STK35: variants seen among roughly 807,000 people sequenced by gnomAD.
STK35 encodes the protein serine/threonine-protein kinase 35.
In STK35, 17 loss-of-function variants were observed where a neutral mutation model predicts 37.3. The ratio of observed to expected loss-of-function variants is 0.46; its 90% CI spans 0.31 to 0.68. The LOEUF is 0.68. Ranked by LOEUF, STK35 falls within the 30% of genes least tolerant of loss-of-function variation. The pLI is 0.05. For synonymous variants in STK35, 385 were observed against 319.1 expected, an observed-to-expected ratio of 1.21 and a Z score of -2.20; for missense variants, 595 against 746.7, an observed-to-expected ratio of 0.80 and a Z score of 2.37.
intron 1 of STK35, 55 bp from the exon 2 acceptor site, chr20:2,102,713 C>T (rs757410438): frequency 4.5e-5 from 59 of 1,316,184 alleles, no homozygotes; most frequent in Non-Finnish European, 5.7e-5. Context: ...CCGCGGCCTA[C>T]GCTCCTGGCC....
At chr20:2,142,105 T>C (rs1443014126) in intron 3 of STK35, among the ~76,000 whole-genome samples, 1 of 152,180 alleles carries the variant, frequency 6.6e-6, no homozygotes, top group Non-Finnish European at 1.5e-5. Context: ...CCAGAAACAC[T>C]TTCAGTGGTT....
At position 2,103,097 on chromosome 20, in the gene STK35, C is replaced by T. The variant is rs1319467768; in HGVS notation, c.624C>T (p.Ile208=). The change falls in exon 2 of 4, where the codon ATC becomes ATT. Residue 208 remains isoleucine, a synonymous_variant. Transcript: ENST00000381482. ...ARPRYSLLAE[I]GRGSYGVVYE... is the part of the protein sequence containing the mutation. ...CGCGTTACAGCCTGTTGGCGGAGAT[C>T]GGGCGCGGCAGCTACGGCGTGGTTT... The T allele has an allele frequency of 1.6e-5, 25 of 1,599,112 alleles. No individual in the cohort carries two copies. Among genetic ancestry groups the T allele is most frequent in the Non-Finnish European group, 2.0e-5 (24 of 1,178,346 alleles).
intron 3 of STK35, among the ~76,000 whole-genome samples, chr20:2,120,663 C>G (rs1985801486): frequency 1.3e-5 from 2 of 152,216 alleles, no homozygotes; most frequent in African/African-American, 2.4e-5. Flanking sequence ...GATGGACAAG[C>G]TAATTTCATT....
chr20:2,139,956 C>T (rs986629084), intron 3 of STK35, among the ~76,000 whole-genome samples: 3 of 152,178 alleles, frequency 2.0e-5, no homozygotes, highest in Non-Finnish European at 4.4e-5. Context: ...CATTGCTGAG[C>T]CGGCTTTGGA....
rs1299506641 is a variant in STK35 at position 2,148,155 on chromosome 20, T to C, written c.*4409T>C. 1 of 152,420 alleles carries C rather than the reference T, an allele frequency of 6.6e-6. No homozygotes were observed. Among genetic ancestry groups the C allele is most frequent in the Non-Finnish European group, 1.5e-5 (1 of 68,048 alleles). 9.4% of individuals were successfully genotyped at this position (152,420 alleles called of 1,614,324 possible). A position where few individuals can be genotyped will look rare whatever the true frequency, so the allele number is the denominator to read the frequency against. ...GAGAGCCCACAGGAGGAAGGGAGCCTCTTCAGGGGCACTGGAATCTTTTGT... is the reference window on the plus strand; with the variant it reads ...GAGAGCCCACAGGAGGAAGGGAGCCCCTTCAGGGGCACTGGAATCTTTTGT... On this transcript the variant is annotated 3_prime_UTR_variant, in exon 4 of 4. Coordinates refer to ENST00000381482, the MANE Select transcript of STK35 (RefSeq NM_080836.4).
chr20:2,146,141 AG>A lies in STK35; in HGVS notation c.*2396del, dbSNP rs1489673964. 1 of 152,210 alleles carries A rather than the reference AG, an allele frequency of 6.6e-6. No individual in the cohort carries two copies. Among genetic ancestry groups the A allele is most frequent in the African/African-American group, 2.4e-5 (1 of 41,450 alleles). 9.4% of individuals were successfully genotyped at this position (152,210 alleles called of 1,614,324 possible). Reference sequence around the variant, plus strand: ...TAGCATAAATGCAGGCCAGCGTTTTAGCCCCAAGTGCCTGCCCTTGCTTCTT... The same window carrying A: ...TAGCATAAATGCAGGCCAGCGTTTTACCCCAAGTGCCTGCCCTTGCTTCTT... On this transcript the variant is annotated 3_prime_UTR_variant, in exon 4 of 4. Transcript: ENST00000381482.
chr20:2,117,867 TC>T lies in STK35; in HGVS notation c.*37+459del, dbSNP rs1216810196. ...AAAATGAAGTGCTTCTTTTCAAAGA[TC>T]CCCCCCATATCTTGATGGGAGAAAC... On this transcript the variant is annotated intron_variant, in intron 3 of 3. Transcript: ENST00000381482. This position sits in a 1 kb window ranked among gnomAD's most constrained non-coding sequence, Gnocchi z 4.4. Among the ~76,000 whole-genome samples, 3 of 152,212 alleles carry T rather than the reference TC, an allele frequency of 2.0e-5. No individual in the cohort carries two copies. Among genetic ancestry groups the T allele is most frequent in the South Asian group, 2.1e-4 (1 of 4,814 alleles).
At chr20:2,123,121 C>T (rs114336644) in intron 3 of STK35, among the ~76,000 whole-genome samples, 85 of 152,270 alleles carry the variant, frequency 5.6e-4, no homozygotes, top group African/African-American at 2.0e-3. Flanking sequence ...ATGGCCAAGT[C>T]TGCTGTCTGA....
intron 2 of STK35, among the ~76,000 whole-genome samples, chr20:2,111,923 C>T (rs926574363): frequency 1.3e-5 from 2 of 152,196 alleles, no homozygotes; most frequent in African/African-American, 4.8e-5. Flanking sequence ...TATTCTCAGC[C>T]TGCCTTCCTC....
At chr20:2,127,650 C>T (rs969307513) in intron 3 of STK35, among the ~76,000 whole-genome samples, 1 of 152,156 alleles carries the variant, frequency 6.6e-6, no homozygotes, top group African/African-American at 2.4e-5. Context: ...AGAGGTCCTC[C>T]TCCCTTTTCT....
At chr20:2,113,815 CAT>C (rs1368346353) in intron 2 of STK35, among the ~76,000 whole-genome samples, 1 of 152,144 alleles carries the variant, frequency 6.6e-6, no homozygotes, top group Non-Finnish European at 1.5e-5. Flanking sequence ...TCACAGTACT[CAT>C]GTGGTATAGT....
chr20:2,115,126 C>T (rs978777705), intron 2 of STK35, among the ~76,000 whole-genome samples: 1 of 152,160 alleles, frequency 6.6e-6, no homozygotes, highest in Non-Finnish European at 1.5e-5. Context: ...GTAATATAAG[C>T]AAATAAATTA....
At position 2,102,203 on chromosome 20, in the gene STK35, C is replaced by T. The variant is rs1332838718; in HGVS notation, c.294+28C>T. ...AAGGGCGCCGTTGGAGGACTGAAGG[C>T]CAGCGCCGAGGCTGGAGTTACTGCC... On this transcript the variant is annotated intron_variant, in intron 1 of 3. Coordinates refer to ENST00000381482, the MANE Select transcript of STK35 (RefSeq NM_080836.4). The T allele has an allele frequency of 5.1e-6, 7 of 1,365,978 alleles. No homozygotes were observed. The African/African-American group carries it at 6.1e-5, about 12-fold the overall frequency. The allele number at this position is 1,365,978 out of a possible 1,614,324, so 84.6% of individuals were successfully genotyped here.
Position 2,103,042 on chromosome 20 carries a change from G to C in STK35, c.569G>C (p.Arg190Pro). 1 of 1,499,492 alleles carries C rather than the reference G, an allele frequency of 6.7e-7. No individual in the cohort carries two copies. Among genetic ancestry groups the C allele is most frequent in the South Asian group, 1.3e-5 (1 of 78,534 alleles). The allele number at this position is 1,499,492 out of a possible 1,614,324, so 92.9% of individuals were successfully genotyped here. ...APGEAFLARRRPEGGGGSARP... is the reference protein window; with the variant it reads ...APGEAFLARRPPEGGGGSARP... ...GGCGAGGCCTTCCTGGCGCGGCGAC[G>C]GCCTGAGGGCGGTGGCGGGTCCGCG... Residue 190 changes from arginine to proline, a missense_variant, in exon 2 of 4, where the codon CGG (arginine) becomes CCG (proline). Physicochemically the swap from Arg to Pro is moderately radical, Grantham distance 103 (BLOSUM62 -2). Coordinates refer to ENST00000381482, the MANE Select transcript of STK35 (RefSeq NM_080836.4).
In STK35 at chr20:2,117,301, T is replaced by C; in HGVS notation, c.1528T>C (p.Leu510=). Reference sequence around the variant, plus strand: ...GATCAAGCAGCTCTTGAAAGATATGTTAGCTGCTAACCCACAGGACCGGCC... The same window carrying C: ...GATCAAGCAGCTCTTGAAAGATATGCTAGCTGCTAACCCACAGGACCGGCC... ...EGIKQLLKDM[L]AANPQDRPDA... The change falls in exon 3 of 4, where the codon TTA becomes CTA. Residue 510 remains leucine (L), a synonymous_variant. Transcript: ENST00000381482. The surrounding 1 kb of genome is among the most constrained non-coding windows in gnomAD (Gnocchi z 4.4). 6.2e-7 allele frequency: 1 copy of C among 1,614,194 alleles called. No homozygotes were observed. The highest frequency in any genetic ancestry group is 1.1e-5 in the South Asian group (1 of 91,086).
At position 2,144,627 on chromosome 20, in the gene STK35, T is replaced by A. The variant is rs1986228493; in HGVS notation, c.*881T>A. 6.5e-6 allele frequency: 1 copy of A among 152,976 alleles called. No homozygotes were observed. Among genetic ancestry groups the A allele is most frequent in the Admixed American group, 6.5e-5 (1 of 15,300 alleles). The allele number at this position is 152,976 out of a possible 1,614,324, so 9.5% of individuals were successfully genotyped here. ...GAAAAACTGTTGTGCCAAACTCTTG[T>A]GTGGAACACAGCTGGGTCTTCAGCA... On this transcript the variant is annotated 3_prime_UTR_variant, in exon 4 of 4. Transcript: ENST00000381482.
intron 2 of STK35, among the ~76,000 whole-genome samples, chr20:2,107,676 A>G (rs1252564792): frequency 6.6e-6 from 1 of 152,180 alleles, no homozygotes; most frequent in Non-Finnish European, 1.5e-5. Context: ...CCAGGGTCTT[A>G]GCAATAGATG....
intron 2 of STK35, among the ~76,000 whole-genome samples, chr20:2,106,925 C>T (rs1331595986): frequency 6.6e-6 from 1 of 152,148 alleles, no homozygotes; most frequent in Admixed American, 6.6e-5. Flanking sequence ...AGGGACAAAA[C>T]TTTTATCCAC....
rs143907388 is a variant in STK35, at chr20:2,127,420, A to C, written c.*37+10005A>C. Among the ~76,000 whole-genome samples, 116 of 152,224 alleles carry C rather than the reference A, an allele frequency of 7.6e-4. 1 individual carries two copies. The highest frequency in any genetic ancestry group is 2.7e-3 in the African/African-American group (114 of 41,540). ...ACAGCCCGGCCTTGTACCAGACAGAAAGAGAACTAGAAGTCACAAGTAAAG... is the reference window on the plus strand; with the variant it reads ...ACAGCCCGGCCTTGTACCAGACAGACAGAGAACTAGAAGTCACAAGTAAAG... On this transcript the variant is annotated intron_variant, in intron 3 of 3. Transcript: ENST00000381482.
Sources: allele counts gnomAD v4.1 joint callset (sites outside exome capture counted in the v4.1 genomes callset), GRCh38; gene constraint gnomAD v4.1.1; non-coding constraint Gnocchi (gnomAD v3.1); transcripts MANE v1.5; gene names NCBI Gene and HGNC (gene_info 2026-07-23, HGNC 2026-07-21).